Variants in DPYD observed in about 807,000 individuals in gnomAD.
DPYD encodes the protein dihydropyrimidine dehydrogenase.
In DPYD, 109 loss-of-function variants were observed where a neutral mutation model predicts 116.2. The observed-to-expected ratio is 0.94, with a 90% CI of 0.80 to 1.10. The LOEUF is 1.10. Among genes scored for constraint, DPYD ranks in the 50% least tolerant of loss-of-function variants. The probability of loss-of-function intolerance (pLI) is 0.00; values close to 1 mark genes in which losing one functional copy is unlikely to be tolerated. For missense variants in DPYD, 1,302 were observed against 1,254.5 expected (o/e 1.04, Z -0.57); for synonymous variants, 440 against 432.0 (o/e 1.02, Z -0.23).
chr1:97,763,242 T>C (rs541611535), intron 3 of DPYD, among the ~76,000 whole-genome samples: 1 of 152,168 alleles, frequency 6.6e-6, no homozygotes, highest in East Asian at 1.9e-4. Context: ...TATTCCTTTC[T>C]GTATCATTAT....
At chr1:97,857,549 G>C (rs1670906325) in intron 2 of DPYD, among the ~76,000 whole-genome samples, 1 of 152,148 alleles carries the variant, frequency 6.6e-6, no homozygotes, top group South Asian at 2.1e-4. Flanking sequence ...AGAGGATTCA[G>C]AGAGCTTCTA....
chr1:97,599,831 C>T (rs1655131892), intron 8 of DPYD, among the ~76,000 whole-genome samples: 1 of 118,572 alleles, frequency 8.4e-6, no homozygotes, highest in African/African-American at 3.3e-5. Context: ...CGAGATCAGC[C>T]TGACCAACAT....
chr1:97,623,331 C>T (rs1419646253), intron 8 of DPYD, among the ~76,000 whole-genome samples: 3 of 152,058 alleles, frequency 2.0e-5, no homozygotes, highest in Non-Finnish European at 4.4e-5. Context: ...AACACATAAT[C>T]TTACTCATAA....
chr1:97,742,870 AAAGT>A (rs1571283810), intron 3 of DPYD, among the ~76,000 whole-genome samples: 1 of 152,274 alleles, frequency 6.6e-6, no homozygotes, highest in Admixed American at 6.5e-5. Flanking sequence ...CCATCACACA[AAAGT>A]AAGCGCACAC....
At chr1:97,501,601 C>G (rs1679588110) in intron 13 of DPYD, among the ~76,000 whole-genome samples, 1 of 151,832 alleles carries the variant, frequency 6.6e-6, no homozygotes, top group Non-Finnish European at 1.5e-5. Context: ...GTCCTAGCTA[C>G]TTGGGAGGCT....
chr1:97,099,997 T>G (rs1483147279), intron 20 of DPYD, among the ~76,000 whole-genome samples: 5 of 152,114 alleles, frequency 3.3e-5, no homozygotes, highest in Non-Finnish European at 5.9e-5. Flanking sequence ...GGAAACAATG[T>G]TATGAATGCC....
At chr1:97,355,975 A>G (rs1026762298) in intron 16 of DPYD, among the ~76,000 whole-genome samples, 9 of 152,174 alleles carry the variant, frequency 5.9e-5, no homozygotes, top group African/African-American at 2.2e-4. Context: ...TCATATGGTA[A>G]TTCTACTTTT....
intron 3 of DPYD, among the ~76,000 whole-genome samples, chr1:97,760,055 G>A (rs764455985): frequency 6.6e-5 from 10 of 152,158 alleles, no homozygotes; most frequent in African/African-American, 1.2e-4. Flanking sequence ...AACAGAGAAC[G>A]GAAGGAGGTG....
chr1:97,237,499 G>C (rs2100759076), intron 18 of DPYD, among the ~76,000 whole-genome samples: 1 of 152,214 alleles, frequency 6.6e-6, no homozygotes, highest in African/African-American at 2.4e-5. Context: ...AAAGTATTAA[G>C]TTGGGCAAAT....
intron 7 of DPYD, among the ~76,000 whole-genome samples, chr1:97,681,998 T>G (rs895174646): frequency 2.0e-5 from 3 of 152,140 alleles, no homozygotes; most frequent in Admixed American, 2.0e-4. Flanking sequence ...GAGGTGGGTA[T>G]TTGTGGGAGA....
chr1:97,526,621 TTCAGG>T (rs1489180667), intron 12 of DPYD, among the ~76,000 whole-genome samples: 12 of 152,166 alleles, frequency 7.9e-5, no homozygotes, highest in Non-Finnish European at 1.3e-4. Flanking sequence ...AAGTAAGAGA[TTCAGG>T]CTTGGCCAAT....
At chr1:97,560,502 T>C (rs1055854498) in intron 11 of DPYD, among the ~76,000 whole-genome samples, 1 of 149,596 alleles carries the variant, frequency 6.7e-6, no homozygotes, top group African/African-American at 2.5e-5. Flanking sequence ...AGGTGTTTCA[T>C]AATTTTTAAT....
chr1:97,605,700 C>T (rs1009478374), intron 8 of DPYD, among the ~76,000 whole-genome samples: 2 of 151,968 alleles, frequency 1.3e-5, no homozygotes, highest in African/African-American at 2.4e-5. Context: ...AAGTCTCAGT[C>T]TCAACTATAA....
intron 17 of DPYD, 105 bp downstream of exon 17, chr1:97,306,072 C>CA (rs1297117821): frequency 6.3e-7 from 1 of 1,580,720 alleles, no homozygotes; most frequent in African/African-American, 1.4e-5. Context: ...AAAATTGAGA[C>CA]AAAAAATATG....
chr1:97,217,319 T>C lies in DPYD; in HGVS notation c.2442+17533A>G, dbSNP rs146257346. On this transcript the variant is annotated intron_variant, in intron 19 of 22. Transcript: ENST00000370192. ...TGTTGTACTTGATCATGCTCCCTGT[T>C]TAGACAGAGGTCATTCATCCTAAAT... Among the ~76,000 whole-genome samples, 679 of 152,316 alleles carry C rather than the reference T, an allele frequency of 4.5e-3. 6 individuals are homozygous for C. Among genetic ancestry groups the C allele is most frequent in the African/African-American group, 0.016 (651 of 41,558 alleles).
chr1:97,338,839 AG>A (rs1002909719), intron 16 of DPYD, among the ~76,000 whole-genome samples: 4 of 152,094 alleles, frequency 2.6e-5, no homozygotes, highest in Non-Finnish European at 5.9e-5. Flanking sequence ...CTACATTACA[AG>A]GAAGTCAAAG....
chr1:97,499,611 A>G (rs1679462507), intron 13 of DPYD, among the ~76,000 whole-genome samples: 1 of 151,820 alleles, frequency 6.6e-6, no homozygotes, highest in African/African-American at 2.4e-5. Context: ...TCACATACAG[A>G]CTTACTTACA....
intron 20 of DPYD, among the ~76,000 whole-genome samples, chr1:97,101,298 T>TA (rs1471942299): frequency 6.6e-6 from 1 of 151,860 alleles, no homozygotes; most frequent in Non-Finnish European, 1.5e-5. Context: ...TTAAGTGCTT[T>TA]AAAAAATATG....
intron 5 of DPYD, among the ~76,000 whole-genome samples, chr1:97,711,715 G>T (rs1472040359): frequency 6.6e-6 from 1 of 151,882 alleles, no homozygotes; most frequent in Non-Finnish European, 1.5e-5. Flanking sequence ...GTTGTCATGT[G>T]TATAAATGTT....
Sources: allele counts gnomAD v4.1 joint callset (sites outside exome capture counted in the v4.1 genomes callset), GRCh38; gene constraint gnomAD v4.1.1; transcripts MANE v1.5; gene names NCBI Gene and HGNC (gene_info 2026-07-23, HGNC 2026-07-21).